Variants in HBP1 observed in about 807,000 individuals in gnomAD.
HBP1 encodes the protein HMG-box transcription factor 1, also known as HMG box-containing protein 1.
A neutral mutation model predicts 62.6 loss-of-function variants in HBP1; 20 were observed. That is an observed-to-expected ratio of 0.32 (90% CI 0.22 to 0.46). The LOEUF (loss-of-function observed/expected upper bound fraction) is 0.46, where lower values mean the gene tolerates loss of function less well. HBP1 is among the 20% of genes least tolerant of loss of function. HBP1 has a pLI of 1.00. For missense variants in HBP1, 480 were observed against 611.8 expected, an observed-to-expected ratio of 0.78 and a Z score of 2.27; for synonymous variants, 232 against 206.2, an observed-to-expected ratio of 1.12 and a Z score of -1.07.
chr7:107,193,121 T>C (rs1011982312), intron 8 of HBP1: 7 of 152,270 alleles, frequency 4.6e-5, no homozygotes, highest in African/African-American at 7.2e-5. Flanking sequence ...TTCTGAAACA[T>C]TGAGAATTGA....
rs576406919 is a variant in HBP1 at position 107,199,831 on chromosome 7, A to G, written c.1386-329A>G. 2.6e-5 allele frequency among the ~76,000 whole-genome samples: 4 copies of G among 152,360 alleles called. No homozygotes were observed. In the South Asian group the frequency reaches 6.2e-4, roughly 24 times the overall value. On this transcript the variant is annotated intron_variant, in intron 9 of 10. Transcript: ENST00000222574. ...TTATTTGGTTTTCTCTTGAGAGAGA[A>G]ATAGTAAGATATGCATAGTTAATTC...
chr7:107,177,060 G>T (rs1450044781), intron 1 of HBP1, among the ~76,000 whole-genome samples: 1 of 152,126 alleles, frequency 6.6e-6, no homozygotes, highest in African/African-American at 2.4e-5. Context: ...TTCAGTAGCT[G>T]TTCTATTTAG....
intron 1 of HBP1, among the ~76,000 whole-genome samples, chr7:107,177,634 A>G (rs1796917785): frequency 6.6e-6 from 1 of 152,234 alleles, no homozygotes; most frequent in Admixed American, 6.5e-5. Context: ...CATCCTTCTG[A>G]TGTATATTTA....
intron 1 of HBP1, among the ~76,000 whole-genome samples, chr7:107,178,482 G>A (rs1796962868): frequency 6.6e-6 from 1 of 152,170 alleles, no homozygotes. Context: ...ATTTTGCTGA[G>A]AAATTATTTA....
At chr7:107,171,774 C>T (rs757665245) in intron 1 of HBP1, among the ~76,000 whole-genome samples, 4 of 150,098 alleles carry the variant, frequency 2.7e-5, no homozygotes, top group East Asian at 4.0e-4. Context: ...GCAAGGGAAT[C>T]GCTTGAACCC....
At chr7:107,176,713 T>G (rs1796867835) in intron 1 of HBP1, among the ~76,000 whole-genome samples, 1 of 151,910 alleles carries the variant, frequency 6.6e-6, no homozygotes. Flanking sequence ...TTTTTTTTTT[T>G]TTTTTTCAGG....
intron 9 of HBP1, among the ~76,000 whole-genome samples, chr7:107,199,308 G>A (rs760462391): frequency 1.3e-5 from 2 of 152,106 alleles, no homozygotes; most frequent in Non-Finnish European, 1.5e-5. Flanking sequence ...TCTTGAACTC[G>A]TGGCCTCAAG....
At position 107,169,419 on chromosome 7, in the gene HBP1, G is replaced by C. The variant is rs574714430; in HGVS notation, c.-16+234G>C. ...CGGCGCTAGGGGGTCTCGGGCGGGG[G>C]CCGGGAGGAGGCAGGGGGAGGGCGA... is the stretch of plus-strand genomic sequence containing the variant. On this transcript the variant is annotated intron_variant, in intron 1 of 10. Transcript: ENST00000222574. Among the ~76,000 whole-genome samples the C allele has an allele frequency of 2.7e-5, 4 of 148,774 alleles. No homozygotes were observed. The East Asian group carries it at 6.0e-4, about 22-fold the overall frequency.
intron 3 of HBP1, among the ~76,000 whole-genome samples, chr7:107,182,885 T>C (rs1023560705): frequency 2.6e-5 from 4 of 152,208 alleles, no homozygotes; most frequent in Admixed American, 2.0e-4. Flanking sequence ...TTTCTACATA[T>C]AGAAATGAAA....
At chr7:107,172,742 C>A (rs1796659304) in intron 1 of HBP1, among the ~76,000 whole-genome samples, 1 of 151,258 alleles carries the variant, frequency 6.6e-6, no homozygotes. Context: ...AGGTACTAGT[C>A]CCATTTTTTT....
Position 107,186,403 on chromosome 7 carries a change from C to G in HBP1, c.583C>G (p.Leu195Val), listed in dbSNP as rs201637079. Residue 195 changes from leucine (L) to valine (V), a missense_variant, in exon 5 of 11, where the codon CTG becomes GTG. Around this residue, in one of 4 missense-constraint regions of HBP1, gnomAD observed 304 missense variants for 330.9 expected, o/e 0.92. Transcript: ENST00000222574. ...SESGIFCMSS[L>V]SDDDDLGWCN... Reference sequence around the variant, plus strand: ...ATCTGGCATTTTCTGCATGTCCTCCCTGTCAGATGATGATGATTTGGGATG... The same window carrying G: ...ATCTGGCATTTTCTGCATGTCCTCCGTGTCAGATGATGATGATTTGGGATG... 6 of 1,613,050 alleles carry G rather than the reference C, an allele frequency of 3.7e-6. No homozygotes were observed. The highest frequency in any genetic ancestry group is 4.5e-5 in the East Asian group (2 of 44,856).
chr7:107,182,375 G>T lies in HBP1; in HGVS notation c.172G>T (p.Asp58Tyr). 6.3e-7 allele frequency: 1 copy of T among 1,578,768 alleles called. No homozygotes were observed. Among genetic ancestry groups the T allele is most frequent in the South Asian group, 1.1e-5 (1 of 90,254 alleles). The change falls in exon 3 of 11, where the codon GAC (aspartate) becomes TAC (tyrosine). Residue 58 changes from aspartate to tyrosine, a missense_variant and splice_region_variant. Coordinates refer to ENST00000222574, the MANE Select transcript of HBP1 (RefSeq NM_012257.4). ...ATTTTGAGTGTGCTTATTTGCAGAT[G>T]ACCTTCCTGAACTTCAGGCAGTTCA... is the stretch of plus-strand genomic sequence containing the variant. Reference protein sequence around the residue: ...NSCDEHMELDDLPELQAVQSD... With the variant: ...NSCDEHMELDYLPELQAVQSD...
intron 7 of HBP1, 131 bp downstream of exon 7, chr7:107,189,579 C>T: frequency 1.6e-6 from 1 of 643,890 alleles, no homozygotes; most frequent in Non-Finnish European, 2.7e-6. Context: ...TAAAAAACTA[C>T]CATAGGGAAT....
At chr7:107,183,639 T>G (rs1421542614) in intron 3 of HBP1, among the ~76,000 whole-genome samples, 1 of 152,114 alleles carries the variant, frequency 6.6e-6, no homozygotes, top group African/African-American at 2.4e-5. Context: ...CTGATTTAAC[T>G]ATTGGATTTT....
At chr7:107,180,571 G>A (rs12670688) in intron 2 of HBP1, among the ~76,000 whole-genome samples, 29,404 of 152,160 alleles carry the variant, frequency 0.19, 3,281 homozygotes, top group East Asian at 0.31. Context: ...TGGTGTTCAG[G>A]AGTATGGAGC....
intron 8 of HBP1, chr7:107,192,617 C>T (rs756087705): frequency 1.3e-5 from 2 of 152,000 alleles, no homozygotes; most frequent in Admixed American, 6.6e-5. Context: ...GTAAAGTTTA[C>T]ATATTATTAC....
chr7:107,189,152 CG>C, intron 6 of HBP1, 139 bp from the exon 7 acceptor site: 1 of 601,294 alleles, frequency 1.7e-6, no homozygotes, highest in Non-Finnish European at 2.9e-6. Flanking sequence ...TCTTCACTAC[CG>C]GGTTTGAAAG....
intron 3 of HBP1, among the ~76,000 whole-genome samples, chr7:107,184,404 T>G (rs779985024): frequency 6.6e-6 from 1 of 152,212 alleles, no homozygotes; most frequent in African/African-American, 2.4e-5. Flanking sequence ...AAGTAATTTC[T>G]GGAAAGGTAA....
At chr7:107,177,409 A>G (rs1045340651) in intron 1 of HBP1, among the ~76,000 whole-genome samples, 3 of 152,264 alleles carry the variant, frequency 2.0e-5, no homozygotes, top group African/African-American at 7.2e-5. Context: ...TTTGAGGGAT[A>G]TAGGCAGATA....
Sources: gnomAD v4.1 joint callset for allele counts (sites outside exome capture counted in the v4.1 genomes callset) on GRCh38, gnomAD v4.1.1 for gene constraint, gnomAD v4.1.1 regional missense constraint, MANE v1.5 for transcripts, NCBI Gene and HGNC (gene_info 2026-07-23, HGNC 2026-07-21) for gene names.